The following CALN1 variants were observed in gnomAD, a reference collection of about 807,000 sequenced individuals.
CALN1 encodes the protein calcium-binding protein 8.
CALN1 carries 17 observed loss-of-function variants against 30.6 expected under a neutral mutation model. The observed-to-expected ratio is 0.56, with a 90% CI of 0.38 to 0.83. The LOEUF is 0.83. Among genes scored for constraint, CALN1 ranks in the 40% least tolerant of loss-of-function variants. CALN1 has a pLI of 0.00. For synonymous variants in CALN1, 156 were observed against 131.4 expected (o/e 1.19, Z -1.28); for missense variants, 291 against 354.9 (o/e 0.82, Z 1.45).
chr7:71,905,974 G>A (rs1223725508), intron 5 of CALN1, among the ~76,000 whole-genome samples: 2 of 152,096 alleles, frequency 1.3e-5, no homozygotes, highest in African/African-American at 4.8e-5. Flanking sequence ...GGAAGCAAAA[G>A]AGGAACTTGC....
At chr7:72,133,623 T>C (rs192425668) in intron 3 of CALN1, among the ~76,000 whole-genome samples, 7 of 152,306 alleles carry the variant, frequency 4.6e-5, no homozygotes, top group Non-Finnish European at 8.8e-5. Context: ...CAAAGTATTT[T>C]CCCACTGAAC....
intron 2 of CALN1, among the ~76,000 whole-genome samples, chr7:72,364,073 A>G (rs1187809592): frequency 6.6e-6 from 1 of 151,906 alleles, no homozygotes; most frequent in Non-Finnish European, 1.5e-5. Context: ...GTAAAAAAAA[A>G]AAATACTTTA....
chr7:71,792,168 T>C (rs192432828), intron 6 of CALN1, among the ~76,000 whole-genome samples: 3 of 152,308 alleles, frequency 2.0e-5, no homozygotes, highest in East Asian at 1.9e-4. Flanking sequence ...TGCATTTGCA[T>C]TGTACTATAT....
chr7:71,902,620 A>G (rs1394751187), intron 5 of CALN1, among the ~76,000 whole-genome samples: 2 of 152,220 alleles, frequency 1.3e-5, no homozygotes, highest in African/African-American at 4.8e-5. Flanking sequence ...CATTCAATCC[A>G]GCAATCCTAC....
rs113925673 is a variant in CALN1 at position 72,310,928 on chromosome 7, AC to A, written c.120-32119del. Among the ~76,000 whole-genome samples, 333 of 130,952 alleles carry A rather than the reference AC, an allele frequency of 2.5e-3. 4 individuals are homozygous for A. Among genetic ancestry groups the A allele is most frequent in the East Asian group, 0.016 (68 of 4,306 alleles). 85.9% of individuals were successfully genotyped at this position (130,952 alleles called of 152,430 possible). A position where few individuals can be genotyped will look rare whatever the true frequency, so the allele number is the denominator to read the frequency against. ...GTCTTAAAAAAAAAAAAAAAAAAAA[AC>A]AAAAATAAAGAAGAAGAAAATATAT... is the stretch of plus-strand genomic sequence containing the variant. On this transcript the variant is annotated intron_variant, in intron 2 of 6. Transcript: ENST00000395275.
chr7:72,272,434 C>T (rs561216293), intron 3 of CALN1, among the ~76,000 whole-genome samples: 142 of 152,036 alleles, frequency 9.3e-4, no homozygotes, highest in Non-Finnish European at 1.8e-3. Flanking sequence ...TGGTGGTGCA[C>T]GCCTGTAGTC....
At chr7:72,195,516 T>C (rs552548305) in intron 3 of CALN1, among the ~76,000 whole-genome samples, 9 of 152,154 alleles carry the variant, frequency 5.9e-5, no homozygotes, top group South Asian at 2.1e-4. Context: ...GCTGGGACTA[T>C]AGGCAGGTAC....
intron 3 of CALN1, among the ~76,000 whole-genome samples, chr7:72,252,983 A>G (rs974638772): frequency 1.3e-5 from 2 of 152,198 alleles, no homozygotes; most frequent in African/African-American, 4.8e-5. Flanking sequence ...TCACAAAGTT[A>G]CTTATTATTG....
chr7:71,951,248 A>G (rs983251533), intron 5 of CALN1, among the ~76,000 whole-genome samples: 2 of 152,114 alleles, frequency 1.3e-5, no homozygotes, highest in African/African-American at 4.8e-5. Flanking sequence ...AACACCATGT[A>G]CTCTCCAGAA....
rs894660003 is a variant in CALN1, at chr7:71,779,652, T to C, written c.*8123A>G. 2 of 152,210 alleles carry C rather than the reference T, an allele frequency of 1.3e-5. No individual in the cohort carries two copies. The highest frequency in any genetic ancestry group is 2.4e-5 in the African/African-American group (1 of 41,448). The allele number at this position is 152,210 out of a possible 1,614,324, so 9.4% of individuals were successfully genotyped here. A position where few individuals can be genotyped will look rare whatever the true frequency, so the allele number is the denominator to read the frequency against. The stretch of plus-strand genomic sequence containing the variant: ...ACTAAGATAACATATTAATAATATA[T>C]ACTTCATTTGATCGGTAAGTTGCAT... On this transcript the variant is annotated 3_prime_UTR_variant, in exon 7 of 7. Transcript: ENST00000395275.
chr7:72,001,701 T>C (rs1324505630), intron 5 of CALN1, among the ~76,000 whole-genome samples: 6 of 152,166 alleles, frequency 3.9e-5, no homozygotes, highest in Non-Finnish European at 7.4e-5. Context: ...GCCTTAAAAT[T>C]TGCCTCAGTC....
At chr7:71,801,185 TACC>T (rs1787277230) in intron 6 of CALN1, among the ~76,000 whole-genome samples, 1 of 152,158 alleles carries the variant, frequency 6.6e-6, no homozygotes, top group Non-Finnish European at 1.5e-5. Flanking sequence ...GGTGTATATG[TACC>T]ACATTTTCTT....
intron 1 of CALN1, among the ~76,000 whole-genome samples, chr7:72,418,037 G>A (rs1807476196): frequency 6.6e-6 from 1 of 152,172 alleles, no homozygotes. Flanking sequence ...TGATGCTGAG[G>A]TTTAGGGTAA....
chr7:72,377,025 C>G (rs1804601112), intron 2 of CALN1, among the ~76,000 whole-genome samples: 2 of 152,162 alleles, frequency 1.3e-5, no homozygotes, highest in Admixed American at 6.5e-5. Context: ...TTTTTGGACT[C>G]TCAATTCTAT....
chr7:72,307,681 A>G (rs2944836), intron 2 of CALN1, among the ~76,000 whole-genome samples: 150,764 of 152,322 alleles, frequency 0.99, 74,627 homozygotes, highest in Middle Eastern at 1. Flanking sequence ...TCTGGTGCAG[A>G]TGCCGTGGGG....
intron 5 of CALN1, among the ~76,000 whole-genome samples, chr7:71,880,113 G>A (rs1459231889): frequency 1.3e-5 from 2 of 152,070 alleles, no homozygotes; most frequent in African/African-American, 4.8e-5. Flanking sequence ...CTCCAGCCTG[G>A]GTGATGGAGC....
chr7:72,212,444 C>G (rs1195545132), intron 3 of CALN1, among the ~76,000 whole-genome samples: 1 of 151,972 alleles, frequency 6.6e-6, no homozygotes, highest in African/African-American at 2.4e-5. Context: ...AGAGTCCCAG[C>G]CCCCATTGAA....
At chr7:71,880,469 T>TC (rs1183211474) in intron 5 of CALN1, among the ~76,000 whole-genome samples, 3 of 152,138 alleles carry the variant, frequency 2.0e-5, no homozygotes, top group Non-Finnish European at 4.4e-5. Context: ...CTGGCTTCCT[T>TC]CCCTTCCCCT....
intron 2 of CALN1, among the ~76,000 whole-genome samples, chr7:72,336,471 C>A (rs913753875): frequency 1.3e-5 from 2 of 151,874 alleles, no homozygotes; most frequent in Non-Finnish European, 1.5e-5. Flanking sequence ...CGGCCAGGAG[C>A]CAGCTCCACG....
Sources: allele counts gnomAD v4.1 joint callset (sites outside exome capture counted in the v4.1 genomes callset), GRCh38; gene constraint gnomAD v4.1.1; transcripts MANE v1.5; gene names NCBI Gene and HGNC (gene_info 2026-07-23, HGNC 2026-07-21).